BMP2K: variants seen among roughly 807,000 people sequenced by gnomAD.
BMP2K encodes BMP-2-inducible protein kinase.
In BMP2K, 74 loss-of-function variants were observed where a neutral mutation model predicts 116.0. That is an observed-to-expected ratio of 0.64 (90% CI 0.53 to 0.77). BMP2K has a LOEUF of 0.77. Ranked by LOEUF, BMP2K falls within the 30% of genes least tolerant of loss-of-function variation. BMP2K has a pLI of 0.00. For synonymous variants in BMP2K, 486 were observed against 502.5 expected (o/e 0.97, Z 0.44); for missense variants, 1,365 against 1,403.6 (o/e 0.97, Z 0.44).
At chr4:78,798,829 G>C (rs1728424982) in intron 1 of BMP2K, among the ~76,000 whole-genome samples, 1 of 152,222 alleles carries the variant, frequency 6.6e-6, no homozygotes, top group Non-Finnish European at 1.5e-5. Context: ...GCTAAGTGCT[G>C]AATGAGAGAA....
At chr4:78,792,502 C>T (rs1214118768) in intron 1 of BMP2K, among the ~76,000 whole-genome samples, 2 of 152,156 alleles carry the variant, frequency 1.3e-5, no homozygotes, top group East Asian at 1.9e-4. Flanking sequence ...ATGATCCTGT[C>T]ACTTCGAGGA....
rs1053664659 is a variant in BMP2K at position 78,909,055 on chromosome 4, C to CTTT, written c.2063-1533_2063-1531dup. Among the ~76,000 whole-genome samples the CTTT allele has an allele frequency of 9.6e-3, 908 of 94,392 alleles. 30 individuals carry two copies. The highest frequency in any genetic ancestry group is 0.027 in the African/African-American group (589 of 21,930). 61.9% of individuals were successfully genotyped at this position (94,392 alleles called of 152,430 possible). ...ACTCCCCTTCTTACCTTCCCTTAGT[C>CTTT]TTTTTTTTTTTTTTTTTTTTTTTTG... On this transcript the variant is annotated intron_variant, in intron 15 of 15. Coordinates refer to ENST00000502613, the MANE Select transcript of BMP2K (RefSeq NM_198892.2).
chr4:78,830,825 T>C (rs748752279), intron 2 of BMP2K, among the ~76,000 whole-genome samples: 1 of 152,232 alleles, frequency 6.6e-6, no homozygotes, highest in Non-Finnish European at 1.5e-5. Flanking sequence ...AAGCTTTGGC[T>C]TTAGGGAATG....
intron 1 of BMP2K, among the ~76,000 whole-genome samples, chr4:78,816,437 CAT>C (rs1729355959): frequency 1.3e-5 from 2 of 152,142 alleles, no homozygotes; most frequent in Non-Finnish European, 2.9e-5. Context: ...ATATTCTACT[CAT>C]TTTTTTCTAC....
intron 10 of BMP2K, among the ~76,000 whole-genome samples, chr4:78,867,670 C>T (rs1732123515): frequency 6.6e-6 from 1 of 152,098 alleles, no homozygotes; most frequent in South Asian, 2.1e-4. Context: ...ATTTTCTTCC[C>T]AGAGTTAACC....
intron 1 of BMP2K, among the ~76,000 whole-genome samples, chr4:78,802,244 A>G (rs954099596): frequency 5.3e-5 from 8 of 152,340 alleles, no homozygotes; most frequent in Admixed American, 3.3e-4. Context: ...TGGTGATCCC[A>G]GTGTGACCTT....
At chr4:78,781,268 GGT>G (rs1223659171) in intron 1 of BMP2K, among the ~76,000 whole-genome samples, 1 of 152,098 alleles carries the variant, frequency 6.6e-6, no homozygotes, top group African/African-American at 2.4e-5. Context: ...TGTATAGAGA[GGT>G]ATACAAATTA....
rs1028724327 is a variant in BMP2K, at chr4:78,914,425, T to C, written c.*2392T>C. 1 of 151,968 alleles carries C rather than the reference T, an allele frequency of 6.6e-6. No individual in the cohort carries two copies. Among genetic ancestry groups the C allele is most frequent in the Non-Finnish European group, 1.5e-5 (1 of 67,930 alleles). 9.4% of individuals were successfully genotyped at this position (151,968 alleles called of 1,614,324 possible). A position where few individuals can be genotyped will look rare whatever the true frequency, so the allele number is the denominator to read the frequency against. ...AATTGGGGGTTCAATAGGATAGAAATGGAGAGATTCCTTTGTGTTGTAGTA... is the reference window on the plus strand; with the variant it reads ...AATTGGGGGTTCAATAGGATAGAAACGGAGAGATTCCTTTGTGTTGTAGTA... On this transcript the variant is annotated 3_prime_UTR_variant, in exon 16 of 16. Coordinates refer to ENST00000502613, the MANE Select transcript of BMP2K (RefSeq NM_198892.2).
chr4:78,883,801 G>T (rs1369489441), intron 14 of BMP2K, among the ~76,000 whole-genome samples: 3 of 152,148 alleles, frequency 2.0e-5, no homozygotes, highest in African/African-American at 7.2e-5. Context: ...GGTGGTTCAT[G>T]CCTGTAATCC....
chr4:78,803,839 A>T (rs997252086), intron 1 of BMP2K, among the ~76,000 whole-genome samples: 2 of 152,118 alleles, frequency 1.3e-5, no homozygotes, highest in Non-Finnish European at 2.9e-5. Context: ...CATGATTAGG[A>T]TCATGTGTAC....
chr4:78,788,332 A>G (rs553715192), intron 1 of BMP2K, among the ~76,000 whole-genome samples: 1 of 151,264 alleles, frequency 6.6e-6, no homozygotes, highest in Non-Finnish European at 1.5e-5. Context: ...TAACAGGAGT[A>G]TGTAAGATAG....
intron 15 of BMP2K, among the ~76,000 whole-genome samples, chr4:78,901,948 A>C (rs1446064518): frequency 2.0e-5 from 3 of 152,212 alleles, no homozygotes; most frequent in African/African-American, 4.8e-5. Flanking sequence ...TCTAATAGGA[A>C]GTTAAATTGA....
At position 78,872,707 on chromosome 4, in the gene BMP2K, C is replaced by T. The variant is rs773671159; in HGVS notation, c.1702C>T (p.Pro568Ser). ...QQASPEYLTS[P>S]QEFSPALVSY... is the part of the protein sequence containing the mutation. Reference sequence around the variant, plus strand: ...GGCATCACCTGAATATCTTACCTCCCCTCAAGAGTTCTCACCAGCCTTAGT... The same window carrying T: ...GGCATCACCTGAATATCTTACCTCCTCTCAAGAGTTCTCACCAGCCTTAGT... The change falls in exon 13 of 16, where the codon CCT becomes TCT. Residue 568 changes from proline to serine, a missense_variant. Physicochemically the swap from Pro to Ser is moderately conservative, Grantham distance 74. This residue lies in a region of BMP2K where 762 missense variants were observed against 756.7 expected (regional missense o/e 1.01). Transcript: ENST00000502613. 1.9e-6 allele frequency: 3 copies of T among 1,613,988 alleles called. No individual in the cohort carries two copies. Among genetic ancestry groups the T allele is most frequent in the Middle Eastern group, 1.6e-4 (1 of 6,084 alleles).
chr4:78,827,337 G>A (rs986074338), intron 2 of BMP2K, among the ~76,000 whole-genome samples: 2 of 151,232 alleles, frequency 1.3e-5, no homozygotes, highest in South Asian at 2.1e-4. Context: ...AGACCTATTC[G>A]TAGCCCCCTG....
rs1316341844 is a variant in BMP2K at position 78,915,493 on chromosome 4, G to A, written c.*3460G>A. On this transcript the variant is annotated 3_prime_UTR_variant, in exon 16 of 16. Transcript: ENST00000502613. ...ATTTTTTTTTCTTTTTAGCAAACTTGTTATTTTAGGTCCAATTATTGAGTT... is the reference window on the plus strand; with the variant it reads ...ATTTTTTTTTCTTTTTAGCAAACTTATTATTTTAGGTCCAATTATTGAGTT... The A allele has an allele frequency of 6.6e-6, 1 of 151,536 alleles. No individual in the cohort carries two copies. The highest frequency in any genetic ancestry group is 1.5e-5 in the Non-Finnish European group (1 of 67,764). The allele number at this position is 151,536 out of a possible 1,614,324, so 9.4% of individuals were successfully genotyped here.
Position 78,847,226 on chromosome 4 carries a change from A to C in BMP2K, c.707A>C (p.Asn236Thr), listed in dbSNP as rs769130294. 5.0e-6 allele frequency: 8 copies of C among 1,589,106 alleles called. No individual in the cohort carries two copies. The highest frequency in any genetic ancestry group is 6.9e-6 in the Non-Finnish European group (8 of 1,166,406). ...TCATACAGAGCCCCTGAAATGATCA[A>C]CCTTTATGGAGGGAAACCCATCACC... ...TLSYRAPEMI[N>T]LYGGKPITTK... is the part of the protein sequence containing the mutation. Residue 236 changes from asparagine to threonine, a missense_variant, in exon 6 of 16, where the codon AAC (asparagine) becomes ACC (threonine). Physicochemically the swap from Asn to Thr is moderately conservative, Grantham distance 65. This residue lies in a region of BMP2K where 762 missense variants were observed against 756.7 expected (regional missense o/e 1.01). Coordinates refer to ENST00000502613, the MANE Select transcript of BMP2K (RefSeq NM_198892.2).
At chr4:78,851,943 T>C (rs1308157529) in intron 7 of BMP2K, among the ~76,000 whole-genome samples, 1 of 152,136 alleles carries the variant, frequency 6.6e-6, no homozygotes, top group African/African-American at 2.4e-5. Flanking sequence ...AACTCATAAA[T>C]TAGAAATATT....
At chr4:78,816,366 T>C (rs1160333565) in intron 1 of BMP2K, among the ~76,000 whole-genome samples, 1 of 152,192 alleles carries the variant, frequency 6.6e-6, no homozygotes, top group Non-Finnish European at 1.5e-5. Context: ...ATATCCTGTT[T>C]ATTAACCTTT....
In BMP2K at chr4:78,911,203, C is replaced by T. The variant is rs771109259; in HGVS notation, c.2656C>T (p.Pro886Ser). The T allele has an allele frequency of 1.2e-6, 2 of 1,613,646 alleles. No homozygotes were observed. The highest frequency in any genetic ancestry group is 1.7e-6 in the Non-Finnish European group (2 of 1,179,792). ...AAAGAACCTCCCTCAACACAGGTTT[C>T]CTGCTGCAGGACTGGAGCAGGAGGA... ...NEKNLPQHRF[P>S]AAGLEQEEFD... Residue 886 changes from proline to serine, a missense_variant, in exon 16 of 16, where the codon CCT becomes TCT. Physicochemically the swap from Pro to Ser is moderately conservative, Grantham distance 74. Coordinates refer to ENST00000502613, the MANE Select transcript of BMP2K (RefSeq NM_198892.2).
Sources: gnomAD v4.1 joint callset for allele counts (sites outside exome capture counted in the v4.1 genomes callset) on GRCh38, gnomAD v4.1.1 for gene constraint, gnomAD v4.1.1 regional missense constraint, MANE v1.5 for transcripts, NCBI Gene and HGNC (gene_info 2026-07-23, HGNC 2026-07-21) for gene names.